Variants in SLC25A3 observed in about 807,000 individuals in gnomAD.
SLC25A3 encodes solute carrier family 25 member 3.
A neutral mutation model predicts 37.1 loss-of-function variants in SLC25A3; 14 were observed. The ratio of observed to expected loss-of-function variants is 0.38; its 90% CI spans 0.25 to 0.59. The LOEUF is 0.59. SLC25A3 is among the 20% of genes least tolerant of loss of function. SLC25A3 has a pLI of 0.67. For synonymous variants in SLC25A3, 161 were observed against 168.7 expected, an observed-to-expected ratio of 0.95 and a Z score of 0.36; for missense variants, 385 against 458.1, an observed-to-expected ratio of 0.84 and a Z score of 1.46.
chr12:98,600,175 C>T, intron 6 of SLC25A3, 48 bp downstream of exon 6: 2 of 1,274,862 alleles, frequency 1.6e-6, no homozygotes, highest in Non-Finnish European at 2.3e-6. Context: ...AACAAATAAT[C>T]ATTTCCATTA....
intron 3 of SLC25A3, among the ~76,000 whole-genome samples, chr12:98,596,617 T>C (rs1021999614): frequency 6.6e-6 from 1 of 152,312 alleles, no homozygotes. Context: ...AACTTGTGTT[T>C]AGTTTGTTTA....
Position 98,595,721 on chromosome 12 carries a change from C to T in SLC25A3, c.158-6C>T, listed in dbSNP as rs1224022154. 6.2e-7 allele frequency: 1 copy of T among 1,614,048 alleles called. No homozygotes were observed. The stretch of plus-strand genomic sequence containing the variant: ...AAAATGCATGGTGTGTCTTCTCTTA[C>T]TACAGAGTACAGTTGTGAATTTGGC... On this transcript the variant is annotated splice_region_variant and splice_polypyrimidine_tract_variant and intron_variant, in intron 2 of 7. Coordinates refer to ENST00000552981, the MANE Select transcript of SLC25A3 (RefSeq NM_002635.4).
At chr12:98,597,735 AGTT>A in intron 3 of SLC25A3, 118 bp from the exon 4 acceptor site, 1 of 1,389,946 alleles carries the variant, frequency 7.2e-7, no homozygotes, top group Non-Finnish European at 9.8e-7. Context: ...GAATTACTGT[AGTT>A]ACCTTTTGTG....
In SLC25A3 at chr12:98,594,034, T is replaced by A; in HGVS notation, c.56T>A (p.Leu19Gln). The stretch of plus-strand genomic sequence containing the variant: ...GCGAACCCCTTCAACACGCCACATC[T>A]GCAGCTGGTGCACGATGGTCTCGGG... ...ARANPFNTPH[L>Q]QLVHDGLGDL... The change falls in exon 2 of 8, where the codon CTG (leucine) becomes CAG (glutamine). Residue 19 changes from leucine to glutamine, a missense_variant. Coordinates refer to ENST00000552981, the MANE Select transcript of SLC25A3 (RefSeq NM_002635.4). The A allele has an allele frequency of 6.2e-7, 1 of 1,613,630 alleles. No individual in the cohort carries two copies. The highest frequency in any genetic ancestry group is 8.5e-7 in the Non-Finnish European group (1 of 1,179,884).
intron 6 of SLC25A3, among the ~76,000 whole-genome samples, 153 bp downstream of exon 6, chr12:98,600,280 C>T (rs971471181): frequency 6.6e-6 from 1 of 152,206 alleles, no homozygotes; most frequent in African/African-American, 2.4e-5. Flanking sequence ...CTCTGTTGCC[C>T]AGGCTGGAGT....
Position 98,600,678 on chromosome 12 carries a change from C to T in SLC25A3, c.815-493C>T, listed in dbSNP as rs190317764. 1.3e-4 allele frequency among the ~76,000 whole-genome samples: 20 copies of T among 152,274 alleles called. No individual in the cohort carries two copies. In the East Asian group the frequency reaches 3.7e-3, roughly 28 times the overall value. On this transcript the variant is annotated intron_variant, in intron 6 of 7. Transcript: ENST00000552981. ...CTGCCTGCCTTGGCCTCCCAAAGTG[C>T]TGGGATTACAGGCGTGAGCCACCGC...
At chr12:98,594,632 A>G in intron 2 of SLC25A3, 1 of 466,992 alleles carries the variant, frequency 2.1e-6, no homozygotes, top group Admixed American at 3.6e-5. Context: ...TTTTCGTGCG[A>G]CTGGAGGAGG....
chr12:98,599,492 GTTTT>G (rs905680243), intron 5 of SLC25A3: 1 of 292,006 alleles, frequency 3.4e-6, no homozygotes, highest in African/African-American at 2.3e-5. Flanking sequence ...CCTGGACTGA[GTTTT>G]TTTTTTTTCC....
rs150841676 is a variant in SLC25A3, at chr12:98,597,572, C to T, written c.280-284C>T. 4.8e-4 allele frequency: 180 copies of T among 371,876 alleles called. No homozygotes were observed. The East Asian group carries it at 8.8e-3, about 18-fold the overall frequency. The allele number at this position is 371,876 out of a possible 1,614,324, so 23.0% of individuals were successfully genotyped here. A position where few individuals can be genotyped will look rare whatever the true frequency, so the allele number is the denominator to read the frequency against. Reference sequence around the variant, plus strand: ...CCGAGTAGCTGGGATTACAGGTGCACGCCACCATGCCCGTCCAATTTTTTG... The same window carrying T: ...CCGAGTAGCTGGGATTACAGGTGCATGCCACCATGCCCGTCCAATTTTTTG... On this transcript the variant is annotated intron_variant, in intron 3 of 7. Coordinates refer to ENST00000552981, the MANE Select transcript of SLC25A3 (RefSeq NM_002635.4).
chr12:98,594,465 GAAACTACTGACC>G, intron 2 of SLC25A3: 1 of 652,272 alleles, frequency 1.5e-6, no homozygotes, highest in Non-Finnish European at 2.8e-6. Context: ...CTCTCCTCCC[GAAACTACTGACC>G]ACCCACAGTT....
intron 3 of SLC25A3, 38 bp downstream of exon 3, chr12:98,595,886 T>C (rs1314305056): frequency 3.8e-6 from 6 of 1,561,328 alleles, no homozygotes; most frequent in Non-Finnish European, 5.3e-6. Flanking sequence ...GTATCTCTCA[T>C]GTGACTTAAC....
chr12:98,593,990 C>T lies in SLC25A3; in HGVS notation c.12C>T (p.Ser4=), dbSNP rs1456326581. The change falls in exon 2 of 8, where the codon TCC becomes TCT. Residue 4 remains serine, a synonymous_variant. Coordinates refer to ENST00000552981, the MANE Select transcript of SLC25A3 (RefSeq NM_002635.4). The part of the protein sequence containing the change: MFS[S]VAHLARANPF... ...CCTCCCCTAGAAAGATGTTCTCGTCCGTGGCGCACCTGGCGCGGGCGAACC... is the reference window on the plus strand; with the variant it reads ...CCTCCCCTAGAAAGATGTTCTCGTCTGTGGCGCACCTGGCGCGGGCGAACC... The T allele has an allele frequency of 1.3e-5, 21 of 1,613,788 alleles. No individual in the cohort carries two copies. Among genetic ancestry groups the T allele is most frequent in the Non-Finnish European group, 1.6e-5 (19 of 1,179,888 alleles).
At chr12:98,596,934 G>A (rs1412758204) in intron 3 of SLC25A3, among the ~76,000 whole-genome samples, 3 of 152,076 alleles carry the variant, frequency 2.0e-5, no homozygotes, top group Non-Finnish European at 4.4e-5. Context: ...CAGGAGAATC[G>A]CTTGAACCTG....
At chr12:98,595,462 A>C in intron 2 of SLC25A3, 1 of 1,613,586 alleles carries the variant, frequency 6.2e-7, no homozygotes, top group Non-Finnish European at 8.5e-7. Context: ...TGGATCTGGC[A>C]GATTCTTTAT....
At position 98,601,651 on chromosome 12, in the gene SLC25A3, C is replaced by T; in HGVS notation, c.*123C>T. On this transcript the variant is annotated 3_prime_UTR_variant, in exon 8 of 8. Transcript: ENST00000552981. ...TATTCCTGATATAATTACTGTAGTA[C>T]TCTTGCTTAAGGCAAGAGTTTCAGA... 1 of 716,550 alleles carries T rather than the reference C, an allele frequency of 1.4e-6. No individual in the cohort carries two copies. The highest frequency in any genetic ancestry group is 2.5e-6 in the Non-Finnish European group (1 of 398,958). The allele number at this position is 716,550 out of a possible 1,614,324, so 44.4% of individuals were successfully genotyped here.
In SLC25A3 at chr12:98,601,929, G is replaced by T; in HGVS notation, c.*401G>T. 4.5e-6 allele frequency: 1 copy of T among 219,876 alleles called. No homozygotes were observed. Among genetic ancestry groups the T allele is most frequent in the Non-Finnish European group, 9.2e-6 (1 of 108,972 alleles). 13.6% of individuals were successfully genotyped at this position (219,876 alleles called of 1,614,324 possible). Reference sequence around the variant, plus strand: ...GCAGACTTTAAATTTCTAAAAACTTGATTTAATTATAGTTAAATATGTGTA... The same window carrying T: ...GCAGACTTTAAATTTCTAAAAACTTTATTTAATTATAGTTAAATATGTGTA... On this transcript the variant is annotated 3_prime_UTR_variant, in exon 8 of 8. Coordinates refer to ENST00000552981, the MANE Select transcript of SLC25A3 (RefSeq NM_002635.4).
intron 4 of SLC25A3, 33 bp from the exon 5 acceptor site, chr12:98,598,489 A>G: frequency 6.2e-7 from 1 of 1,611,798 alleles, no homozygotes; most frequent in South Asian, 1.1e-5. Context: ...CACAACAGCA[A>G]TTCACATCCC....
At position 98,593,743 on chromosome 12, in the gene SLC25A3, G is replaced by A. The variant is rs2097590399; in HGVS notation, c.-5+3G>A. On this transcript the variant is annotated splice_donor_region_variant and intron_variant, in intron 1 of 7. Coordinates refer to ENST00000552981, the MANE Select transcript of SLC25A3 (RefSeq NM_002635.4). ...TTGTGTGATCGCCATCTTAGGGAGT[G>A]AGTGTGGCCGGGCCTTCTCCTGTGG... The A allele has an allele frequency of 3.3e-6, 2 of 600,638 alleles. No individual in the cohort carries two copies. Among genetic ancestry groups the A allele is most frequent in the Admixed American group, 3.0e-5 (1 of 33,816 alleles). 37.2% of individuals were successfully genotyped at this position (600,638 alleles called of 1,614,324 possible).
rs1592981062 is a variant in SLC25A3, at chr12:98,601,852, A to G, written c.*324A>G. 6 of 266,874 alleles carry G rather than the reference A, an allele frequency of 2.2e-5. No homozygotes were observed. Among genetic ancestry groups the G allele is most frequent in the South Asian group, 1.4e-4 (3 of 21,392 alleles). The allele number at this position is 266,874 out of a possible 1,614,324, so 16.5% of individuals were successfully genotyped here. A position where few individuals can be genotyped will look rare whatever the true frequency, so the allele number is the denominator to read the frequency against. On this transcript the variant is annotated 3_prime_UTR_variant, in exon 8 of 8. Transcript: ENST00000552981. ...TGAATATTCCAGTTGCTATTCAGAA[A>G]TTGTCATATGTCTCAAGTTTTATCA...
Sources: allele counts gnomAD v4.1 joint callset (sites outside exome capture counted in the v4.1 genomes callset), GRCh38; gene constraint gnomAD v4.1.1; transcripts MANE v1.5; gene names NCBI Gene and HGNC (gene_info 2026-07-23, HGNC 2026-07-21).